The following CLIP1 variants were observed in gnomAD, a reference collection of about 807,000 sequenced individuals.
CLIP1 encodes CAP-Gly domain-containing linker protein 1.
A neutral mutation model predicts 161.6 loss-of-function variants in CLIP1; 66 were observed. The observed-to-expected ratio is 0.41, with a 90% CI of 0.33 to 0.50. The LOEUF (loss-of-function observed/expected upper bound fraction) is 0.50. Ranked by LOEUF, CLIP1 falls within the 20% of genes least tolerant of loss-of-function variation. The pLI is 0.27. For synonymous variants in CLIP1, 598 were observed against 626.2 expected, an observed-to-expected ratio of 0.96 and a Z score of 0.67; for missense variants, 1,376 against 1,702.0, an observed-to-expected ratio of 0.81 and a Z score of 3.37.
intron 20 of CLIP1, among the ~76,000 whole-genome samples, chr12:122,297,049 G>C (rs926309282): frequency 2.0e-5 from 3 of 151,058 alleles, no homozygotes; most frequent in African/African-American, 4.9e-5. Context: ...AAAGAACATG[G>C]ATATGTAAAG....
chr12:122,336,272 C>T (rs1952212317), intron 12 of CLIP1, among the ~76,000 whole-genome samples: 1 of 152,050 alleles, frequency 6.6e-6, no homozygotes, highest in African/African-American at 2.4e-5. Flanking sequence ...AGTTTAGGGG[C>T]CTCATTCAAT....
chr12:122,351,151 T>C lies in CLIP1; in HGVS notation c.1369-8A>G, dbSNP rs764584591. ...AGAAATCTGGCTCTTTTGCTATCAG[T>C]AAAAAAATAAAAAAAATTAAACAAC... On this transcript the variant is annotated splice_polypyrimidine_tract_variant and splice_region_variant and intron_variant, in intron 8 of 25. Coordinates refer to ENST00000620786, the MANE Select transcript of CLIP1 (RefSeq NM_001247997.2). 1 of 1,457,332 alleles carries C rather than the reference T, an allele frequency of 6.9e-7. No individual in the cohort carries two copies. The highest frequency in any genetic ancestry group is 9.1e-7 in the Non-Finnish European group (1 of 1,102,544). The allele number at this position is 1,457,332 out of a possible 1,614,324, so 90.3% of individuals were successfully genotyped here.
rs1372784340 is a variant in CLIP1, at chr12:122,279,943, G to A, written c.3648-798C>T. 1 of 152,286 alleles carries A rather than the reference G, an allele frequency of 6.6e-6. No individual in the cohort carries two copies. The highest frequency in any genetic ancestry group is 2.4e-5 in the African/African-American group (1 of 41,442). 9.4% of individuals were successfully genotyped at this position (152,286 alleles called of 1,614,324 possible). Reference sequence around the variant, plus strand: ...AGGGCGGGGATGAGGCCTTTAATGAGAGGGTTGTGGGAGTGAGAAGAGAAA... The same window carrying A: ...AGGGCGGGGATGAGGCCTTTAATGAAAGGGTTGTGGGAGTGAGAAGAGAAA... On this transcript the variant is annotated intron_variant, in intron 21 of 25. Coordinates refer to ENST00000620786, the MANE Select transcript of CLIP1 (RefSeq NM_001247997.2). This position sits in a 1 kb window ranked among gnomAD's most constrained non-coding sequence, Gnocchi z 4.5.
rs578142739 is a variant in CLIP1 at position 122,393,350 on chromosome 12, C to T, written c.-106-12792G>A. Among the ~76,000 whole-genome samples the T allele has an allele frequency of 4.6e-3, 690 of 151,044 alleles. 4 individuals are homozygous for T. The highest frequency in any genetic ancestry group is 6.5e-3 in the South Asian group (31 of 4,760). On this transcript the variant is annotated intron_variant, in intron 1 of 25. Transcript: ENST00000620786. The stretch of plus-strand genomic sequence containing the variant: ...TAATTTTTTGTATTTTTAGTAGAGA[C>T]GAGGTTTCACCATATTGGCCAGGAG...
chr12:122,292,190 A>C, intron 20 of CLIP1, among the ~76,000 whole-genome samples: 1 of 148,292 alleles, frequency 6.7e-6, no homozygotes, highest in African/African-American at 2.5e-5. Context: ...TTTAGTAGAG[A>C]TGGAGTTTCA....
At chr12:122,299,776 C>T (rs370847483) in intron 20 of CLIP1, among the ~76,000 whole-genome samples, 1 of 151,574 alleles carries the variant, frequency 6.6e-6, no homozygotes, top group African/African-American at 2.4e-5. Flanking sequence ...ATTAGCCGGG[C>T]GTGGTGGCAG....
At chr12:122,343,723 G>A (rs181075816) in intron 10 of CLIP1, 1 of 152,230 alleles carries the variant, frequency 6.6e-6, no homozygotes, top group African/African-American at 2.4e-5. Flanking sequence ...AAATACCCCA[G>A]GGCTAGAAAA....
At chr12:122,392,812 A>C (rs1380566628) in intron 1 of CLIP1, among the ~76,000 whole-genome samples, 1 of 151,936 alleles carries the variant, frequency 6.6e-6, no homozygotes, top group Non-Finnish European at 1.5e-5. Flanking sequence ...ACAGGGTTTC[A>C]TTCCTGTTGC....
chr12:122,392,308 G>C (rs1348426277), intron 1 of CLIP1, among the ~76,000 whole-genome samples: 1 of 151,914 alleles, frequency 6.6e-6, no homozygotes, highest in Non-Finnish European at 1.5e-5. Flanking sequence ...TCTGAGGTTG[G>C]GTATACATAC....
intron 3 of CLIP1, chr12:122,365,689 A>AAG (rs1555274044): frequency 8.9e-6 from 6 of 673,936 alleles, no homozygotes; most frequent in South Asian, 6.8e-5. Context: ...AAAAAAAAAA[A>AAG]AAAGAAAGAA....
intron 1 of CLIP1, among the ~76,000 whole-genome samples, chr12:122,411,931 C>A (rs1956548374): frequency 6.6e-6 from 1 of 152,000 alleles, no homozygotes; most frequent in East Asian, 1.9e-4. Context: ...TACTAAAAAA[C>A]CACTGAATTG....
chr12:122,364,775 C>G, intron 3 of CLIP1: 1 of 907,426 alleles, frequency 1.1e-6, no homozygotes, highest in Non-Finnish European at 1.7e-6. Context: ...TCCAGTAATT[C>G]GCCAAAATGA....
chr12:122,422,449 G>T (rs2137266643), intron 1 of CLIP1, 72 bp downstream of exon 1: 1 of 151,644 alleles, frequency 6.6e-6, no homozygotes, highest in East Asian at 2.0e-4. Flanking sequence ...GGCGGGCCCC[G>T]CAGGCCGGGA....
intron 1 of CLIP1, among the ~76,000 whole-genome samples, chr12:122,417,549 G>A (rs1162019988): frequency 3.1e-5 from 4 of 129,538 alleles, no homozygotes; most frequent in Non-Finnish European, 6.3e-5. Context: ...GTCTCGCTCT[G>A]TCGCCCAGGC....
rs11333609 is a variant in CLIP1 at position 122,279,433 on chromosome 12, TAAA to T, written c.3648-291_3648-289del. The T allele has an allele frequency of 3.4e-5, 5 of 145,260 alleles. No individual in the cohort carries two copies. Among genetic ancestry groups the T allele is most frequent in the East Asian group, 1.9e-4 (1 of 5,162 alleles). The allele number at this position is 145,260 out of a possible 1,614,324, so 9.0% of individuals were successfully genotyped here. On this transcript the variant is annotated intron_variant, in intron 21 of 25. Transcript: ENST00000620786. This position sits in a 1 kb window ranked among gnomAD's most constrained non-coding sequence, Gnocchi z 4.5. ...TTAATAAATTTGGAAGAGGTAGAAT[TAAA>T]AAAAAAAAAAACGGTTGCACCCTCC...
rs1950932235 is a variant in CLIP1 at position 122,307,967 on chromosome 12, C to T, written c.3594+1795G>A. Among the ~76,000 whole-genome samples the T allele has an allele frequency of 2.0e-5, 3 of 152,222 alleles. No individual in the cohort carries two copies. The South Asian group carries it at 6.2e-4, about 31-fold the overall frequency. Reference sequence around the variant, plus strand: ...CCCATTCTTTAAAAGTAAGTCACTTCTTAGCCATTCCTGTAGGCATTACTT... The same window carrying T: ...CCCATTCTTTAAAAGTAAGTCACTTTTTAGCCATTCCTGTAGGCATTACTT... On this transcript the variant is annotated intron_variant, in intron 20 of 25. Coordinates refer to ENST00000620786, the MANE Select transcript of CLIP1 (RefSeq NM_001247997.2).
chr12:122,347,776 T>C (rs1247104273), intron 9 of CLIP1, among the ~76,000 whole-genome samples: 1 of 152,152 alleles, frequency 6.6e-6, no homozygotes. Flanking sequence ...ATAAGTAATA[T>C]TGATAAGTGA....
intron 1 of CLIP1, among the ~76,000 whole-genome samples, chr12:122,387,563 TATATATATATATATATATA>T (rs1955343485): frequency 2.1e-4 from 2 of 9,322 alleles, no homozygotes; most frequent in East Asian, 4.5e-3. Flanking sequence ...TATATATATA[TATATATATATATATATATA>T]TATATATATT....
At chr12:122,336,837 A>C in intron 11 of CLIP1, 89 bp from the exon 12 acceptor site, 1 of 553,510 alleles carries the variant, frequency 1.8e-6, no homozygotes, top group Non-Finnish European at 3.0e-6. Flanking sequence ...AATGTAAAAA[A>C]CTTATGAGAA....
Sources: gnomAD v4.1 joint callset for allele counts (sites outside exome capture counted in the v4.1 genomes callset) on GRCh38, gnomAD v4.1.1 for gene constraint, Gnocchi (gnomAD v3.1) non-coding constraint, MANE v1.5 for transcripts, NCBI Gene and HGNC (gene_info 2026-07-23, HGNC 2026-07-21) for gene names.